NKAIN2: variants seen among roughly 807,000 people sequenced by gnomAD.
NKAIN2 encodes the protein sodium/potassium-transporting ATPase subunit beta-1-interacting protein 2.
In NKAIN2, 14 loss-of-function variants were observed where a neutral mutation model predicts 32.6. That is an observed-to-expected ratio of 0.43 (90% confidence interval 0.28 to 0.67). The LOEUF is 0.67. Among genes scored for constraint, NKAIN2 ranks in the 30% least tolerant of loss-of-function variants. The pLI is 0.17. For synonymous variants in NKAIN2, 80 were observed against 87.2 expected (o/e 0.92, Z 0.46); for missense variants, 198 against 258.3 (o/e 0.77, Z 1.60).
At chr6:124,260,171 A>G (rs937546559) in intron 1 of NKAIN2, among the ~76,000 whole-genome samples, 2 of 152,164 alleles carry the variant, frequency 1.3e-5, no homozygotes, top group Admixed American at 6.5e-5. Context: ...TATATTGAGC[A>G]CCTATAAAAT....
At chr6:124,188,523 T>C (rs367583978) in intron 1 of NKAIN2, among the ~76,000 whole-genome samples, 2 of 152,252 alleles carry the variant, frequency 1.3e-5, no homozygotes, top group African/African-American at 4.8e-5. Flanking sequence ...TAGCTTAGTG[T>C]TTGATTGAAT....
chr6:124,366,623 CAAAT>C (rs779911781), intron 3 of NKAIN2, among the ~76,000 whole-genome samples: 25 of 152,150 alleles, frequency 1.6e-4, no homozygotes, highest in Admixed American at 3.3e-4. Context: ...GTGTGATTGT[CAAAT>C]AACAGATTAC....
Position 124,754,870 on chromosome 6 carries a change from A to G in NKAIN2, c.475-36469A>G, listed in dbSNP as rs540213998. Among the ~76,000 whole-genome samples, 11 of 152,326 alleles carry G rather than the reference A, an allele frequency of 7.2e-5. No homozygotes were observed. The East Asian group carries it at 1.9e-3, about 27-fold the overall frequency. ...TGCAACACTAGTCACAATAGCAAAG[A>G]CATGGAATCAACCTAAATGCCCATC... On this transcript the variant is annotated intron_variant, in intron 4 of 6. Coordinates refer to ENST00000368417, the MANE Select transcript of NKAIN2 (RefSeq NM_001040214.3).
Position 124,759,573 on chromosome 6 carries a change from C to T in NKAIN2, c.475-31766C>T, listed in dbSNP as rs572817334. Among the ~76,000 whole-genome samples the T allele has an allele frequency of 1.0e-4, 14 of 139,846 alleles. No homozygotes were observed. The Admixed American group carries it at 1.0e-3, about 10-fold the overall frequency. 91.7% of individuals were successfully genotyped at this position (139,846 alleles called of 152,430 possible). ...TCAAGGAAGTCTGCCCCCTAGCCAC[C>T]CTGTCTGAAATTGCAACACACACAC... On this transcript the variant is annotated intron_variant, in intron 4 of 6. Transcript: ENST00000368417.
intron 1 of NKAIN2, among the ~76,000 whole-genome samples, chr6:124,107,964 T>G (rs530514019): frequency 2.8e-4 from 42 of 152,306 alleles, no homozygotes; most frequent in South Asian, 8.3e-4. Flanking sequence ...TCTTGGCTAT[T>G]ATAAGTAATG....
At chr6:124,624,355 G>C (rs1257340419) in intron 3 of NKAIN2, among the ~76,000 whole-genome samples, 1 of 152,112 alleles carries the variant, frequency 6.6e-6, no homozygotes, top group Non-Finnish European at 1.5e-5. Context: ...TAAGATCTGG[G>C]AGATTGGGAA....
At chr6:123,856,126 A>G (rs796283569) in intron 1 of NKAIN2, among the ~76,000 whole-genome samples, 25 of 152,240 alleles carry the variant, frequency 1.6e-4, no homozygotes, top group African/African-American at 6.0e-4. Flanking sequence ...TCAAATTTGT[A>G]TGGCCTGTTT....
At chr6:124,665,193 C>T (rs942177722) in intron 4 of NKAIN2, among the ~76,000 whole-genome samples, 5 of 151,866 alleles carry the variant, frequency 3.3e-5, no homozygotes, top group African/African-American at 9.7e-5. Flanking sequence ...CACAAAACAC[C>T]AGAATAATCA....
At chr6:124,112,091 C>T (rs1458512818) in intron 1 of NKAIN2, among the ~76,000 whole-genome samples, 1 of 151,930 alleles carries the variant, frequency 6.6e-6, no homozygotes, top group African/African-American at 2.4e-5. Context: ...ATGTGTTTTA[C>T]CCACCACCAT....
At chr6:124,529,865 C>A (rs1219427133) in intron 3 of NKAIN2, among the ~76,000 whole-genome samples, 1 of 152,154 alleles carries the variant, frequency 6.6e-6, no homozygotes, top group East Asian at 1.9e-4. Context: ...TTATAATGGG[C>A]TGAATGTTTG....
intron 1 of NKAIN2, among the ~76,000 whole-genome samples, chr6:123,974,141 G>A (rs1778452354): frequency 6.6e-6 from 1 of 152,102 alleles, no homozygotes; most frequent in Non-Finnish European, 1.5e-5. Context: ...ATAAAGAAAG[G>A]AAATTGAATA....
At chr6:123,992,428 A>G (rs1411436316) in intron 1 of NKAIN2, among the ~76,000 whole-genome samples, 3 of 152,148 alleles carry the variant, frequency 2.0e-5, no homozygotes, top group Non-Finnish European at 4.4e-5. Context: ...TTTGAAAAAC[A>G]AACAAACAAA....
At chr6:124,726,258 CACAG>C (rs199708001) in intron 4 of NKAIN2, among the ~76,000 whole-genome samples, 80,608 of 147,096 alleles carry the variant, frequency 0.55, 21,479 homozygotes, top group East Asian at 0.68. Context: ...GGGGGCAGGG[CACAG>C]ACAAACAAAA....
At chr6:124,388,611 G>T (rs986576044) in intron 3 of NKAIN2, among the ~76,000 whole-genome samples, 1 of 151,124 alleles carries the variant, frequency 6.6e-6, no homozygotes, top group African/African-American at 2.4e-5. Flanking sequence ...TTATTTGAGG[G>T]TTCTATATTT....
chr6:124,355,380 T>A, intron 3 of NKAIN2, 33 bp downstream of exon 3: 1 of 1,233,728 alleles, frequency 8.1e-7, no homozygotes. Context: ...GAGTCATCAG[T>A]AGGGTGTTAA....
At chr6:123,938,250 A>C (rs1776615532) in intron 1 of NKAIN2, among the ~76,000 whole-genome samples, 1 of 151,290 alleles carries the variant, frequency 6.6e-6, no homozygotes, top group Non-Finnish European at 1.5e-5. Context: ...ATGCCATGAA[A>C]ACATACTTAA....
At chr6:124,534,120 T>C (rs566118) in intron 3 of NKAIN2, among the ~76,000 whole-genome samples, 148,216 of 152,270 alleles carry the variant, frequency 0.97, 72,253 homozygotes, top group East Asian at 1. Context: ...CTCCACAGTG[T>C]ATGAGTAGTT....
intron 1 of NKAIN2, among the ~76,000 whole-genome samples, chr6:124,201,854 C>T (rs1790609339): frequency 6.6e-6 from 1 of 152,020 alleles, no homozygotes; most frequent in Non-Finnish European, 1.5e-5. Flanking sequence ...TTTTATCCTT[C>T]ATCAAAGTGA....
intron 3 of NKAIN2, among the ~76,000 whole-genome samples, chr6:124,557,687 C>T (rs143293485): frequency 6.6e-6 from 1 of 152,144 alleles, no homozygotes; most frequent in South Asian, 2.1e-4. Context: ...TTGAGATAAT[C>T]CTGCCTTATT....
Sources: allele counts gnomAD v4.1 joint callset (sites outside exome capture counted in the v4.1 genomes callset), GRCh38; gene constraint gnomAD v4.1.1; transcripts MANE v1.5; gene names NCBI Gene and HGNC (gene_info 2026-07-23, HGNC 2026-07-21).